CHIC2: variants seen among roughly 807,000 people sequenced by gnomAD.
CHIC2 encodes the protein cysteine rich hydrophobic domain 2.
CHIC2 carries 14 observed loss-of-function variants against 25.9 expected under a neutral mutation model. That is an observed-to-expected ratio of 0.54 (90% CI 0.36 to 0.85). The LOEUF is 0.85. Ranked by LOEUF, CHIC2 falls within the 40% of genes least tolerant of loss-of-function variation. The probability of loss-of-function intolerance (pLI) is 0.01; values close to 1 mark genes in which losing one functional copy is unlikely to be tolerated. For missense variants in CHIC2, 146 were observed against 202.0 expected, an observed-to-expected ratio of 0.72 and a Z score of 1.68; for synonymous variants, 70 against 72.0, an observed-to-expected ratio of 0.97 and a Z score of 0.14.
At chr4:54,021,151 C>T (rs1291904084) in intron 3 of CHIC2, among the ~76,000 whole-genome samples, 1 of 152,176 alleles carries the variant, frequency 6.6e-6, no homozygotes, top group African/African-American at 2.4e-5. Flanking sequence ...AACCTAAATG[C>T]CTTATTTTCT....
chr4:54,020,194 A>T (rs1369848879), intron 3 of CHIC2, among the ~76,000 whole-genome samples: 1 of 152,158 alleles, frequency 6.6e-6, no homozygotes, highest in African/African-American at 2.4e-5. Context: ...ACCTTAACTG[A>T]TGATACTCCA....
chr4:54,034,789 G>A (rs980340862), intron 3 of CHIC2, among the ~76,000 whole-genome samples: 1 of 152,132 alleles, frequency 6.6e-6, no homozygotes, highest in Non-Finnish European at 1.5e-5. Flanking sequence ...ATTAGTAGTA[G>A]TGAGAACATA....
At chr4:54,048,926 T>C in intron 3 of CHIC2, 29 bp downstream of exon 3, 1 of 1,486,402 alleles carries the variant, frequency 6.7e-7, no homozygotes, top group East Asian at 2.5e-5. Context: ...CACTTCTAAA[T>C]TTAAATTAAA....
chr4:54,039,389 A>C (rs989246701), intron 3 of CHIC2, among the ~76,000 whole-genome samples: 12 of 152,204 alleles, frequency 7.9e-5, no homozygotes, highest in African/African-American at 2.9e-4. Flanking sequence ...AAGAAATAAC[A>C]ATTTTTAAAT....
At chr4:54,090,078 T>A in the CHIC2 span, among the ~76,000 whole-genome samples, 5 of 152,296 alleles carry the variant, frequency 3.3e-5, no homozygotes, top group Non-Finnish European at 7.4e-5. Flanking sequence ...TACATGCAAA[T>A]GTTCCAAAAC....
At chr4:54,069,704 A>G in the CHIC2 span, among the ~76,000 whole-genome samples, 1 of 152,212 alleles carries the variant, frequency 6.6e-6, no homozygotes, top group Non-Finnish European at 1.5e-5. Context: ...GTTTCTAAGC[A>G]TTTTAGGTGT....
intron 3 of CHIC2, among the ~76,000 whole-genome samples, chr4:54,027,863 G>A (rs1222486113): frequency 1.3e-5 from 2 of 152,110 alleles, no homozygotes; most frequent in Non-Finnish European, 2.9e-5. Context: ...CTAGGGAGTA[G>A]GAACCTAATA....
At chr4:54,064,936 A>G (rs937443856), upstream of CHIC2, among the ~76,000 whole-genome samples, 6 of 152,228 alleles carry the variant, frequency 3.9e-5, no homozygotes, top group Non-Finnish European at 7.4e-5. The surrounding 1 kb of genome is among the most constrained non-coding windows in gnomAD (Gnocchi z 4.2). Context: ...CCAGTGGGAC[A>G]TGCAGTTCCC....
At position 54,047,970 on chromosome 4, in the gene CHIC2, C is replaced by G. The variant is rs181943140; in HGVS notation, c.330+985G>C. On this transcript the variant is annotated intron_variant, in intron 3 of 5. Transcript: ENST00000263921. Reference sequence around the variant, plus strand: ...CAATCTATAATAATTTGTCATATCTCTACCAACATCTTAAAATTTTGTTTA... The same window carrying G: ...CAATCTATAATAATTTGTCATATCTGTACCAACATCTTAAAATTTTGTTTA... 1.7e-3 allele frequency among the ~76,000 whole-genome samples: 257 copies of G among 152,068 alleles called. 1 individual carries two copies. The highest frequency in any genetic ancestry group is 5.6e-3 in the African/African-American group (233 of 41,486).
chr4:54,043,305 C>G (rs1716648944), intron 3 of CHIC2, among the ~76,000 whole-genome samples: 2 of 151,614 alleles, frequency 1.3e-5, no homozygotes, highest in African/African-American at 4.9e-5. Context: ...CCTGCAGTCC[C>G]AGCTACTCAG....
chr4:54,067,007 G>A (rs1008370829), upstream of CHIC2, among the ~76,000 whole-genome samples: 2 of 152,156 alleles, frequency 1.3e-5, no homozygotes, highest in African/African-American at 4.8e-5. Flanking sequence ...GAGCTCCTTA[G>A]AACTCCAGCA....
chr4:54,014,028 C>T, intron 4 of CHIC2, 35 bp downstream of exon 4: 11 of 1,608,568 alleles, frequency 6.8e-6, no homozygotes, highest in Non-Finnish European at 9.4e-6. Flanking sequence ...CAATTCAGAC[C>T]CCAACAGTAC....
chr4:54,067,839 C>T (rs1427704347), upstream of CHIC2, among the ~76,000 whole-genome samples: 1 of 152,000 alleles, frequency 6.6e-6, no homozygotes, highest in Non-Finnish European at 1.5e-5. Flanking sequence ...GCTTCCTTTT[C>T]TTCATCTTCA....
intron 3 of CHIC2, among the ~76,000 whole-genome samples, chr4:54,046,694 C>A (rs1560393839): frequency 6.6e-6 from 1 of 152,148 alleles, no homozygotes; most frequent in Non-Finnish European, 1.5e-5. Context: ...ACCATAAAAA[C>A]CCTAGAAGAA....
rs145409226 is a variant in CHIC2, at chr4:54,028,713, C to T, written c.331-14594G>A. On this transcript the variant is annotated intron_variant, in intron 3 of 5. Coordinates refer to ENST00000263921, the MANE Select transcript of CHIC2 (RefSeq NM_012110.4). ...TCTATTATTTCATTGCATATCAACA[C>T]ATATTTTCCATTTTATAGCAAAATC... Among the ~76,000 whole-genome samples the T allele has an allele frequency of 3.3e-5, 5 of 152,306 alleles. No homozygotes were observed. The South Asian group carries it at 1.0e-3, about 32-fold the overall frequency.
chr4:54,010,166 G>T, intron 5 of CHIC2, 21 bp from the exon 6 acceptor site: 2 of 1,564,096 alleles, frequency 1.3e-6, no homozygotes, highest in Admixed American at 1.9e-5. Flanking sequence ...AGAAGAAAAA[G>T]GTTTTAAAAG....
At chr4:54,042,587 G>A (rs191183553) in intron 3 of CHIC2, among the ~76,000 whole-genome samples, 55 of 152,210 alleles carry the variant, frequency 3.6e-4, no homozygotes, top group Admixed American at 1.2e-3. Context: ...GATTTTCTGG[G>A]TTACATGATG....
chr4:54,075,944 A>G, the CHIC2 span, among the ~76,000 whole-genome samples: 1 of 152,232 alleles, frequency 6.6e-6, no homozygotes, highest in Non-Finnish European at 1.5e-5. Flanking sequence ...TGCTGTAAAC[A>G]GAGAGATATT....
chr4:54,013,690 T>A, intron 5 of CHIC2, 147 bp downstream of exon 5: 1 of 675,350 alleles, frequency 1.5e-6, no homozygotes, highest in Non-Finnish European at 2.6e-6. Flanking sequence ...CATGAAACCA[T>A]GCATCTGTGA....
Sources: allele counts gnomAD v4.1 joint callset (sites outside exome capture counted in the v4.1 genomes callset), GRCh38; gene constraint gnomAD v4.1.1; non-coding constraint Gnocchi (gnomAD v3.1); transcripts MANE v1.5; gene names NCBI Gene and HGNC (gene_info 2026-07-23, HGNC 2026-07-21).